The following ZDHHC24 variants were observed in gnomAD, a reference collection of about 807,000 sequenced individuals.
The protein encoded by ZDHHC24 is probable palmitoyltransferase ZDHHC24.
Under a neutral mutation model 23.2 loss-of-function variants are expected in ZDHHC24, and 17 were observed. The observed-to-expected ratio is 0.73, with a 90% CI of 0.50 to 1.10. The LOEUF (loss-of-function observed/expected upper bound fraction) is 1.10. Ranked by LOEUF, ZDHHC24 falls within the 50% of genes least tolerant of loss-of-function variation. The pLI is 0.00. For missense variants in ZDHHC24, 366 were observed against 393.0 expected (o/e 0.93, Z 0.58); for synonymous variants, 186 against 194.5 (o/e 0.96, Z 0.36).
chr11:66,535,932 C>G lies in ZDHHC24; in HGVS notation c.*3597G>C, dbSNP rs1438183865. 6.6e-6 allele frequency: 1 copy of G among 152,158 alleles called. No individual in the cohort carries two copies. Among genetic ancestry groups the G allele is most frequent in the African/African-American group, 2.4e-5 (1 of 41,424 alleles). The allele number at this position is 152,158 out of a possible 1,614,324, so 9.4% of individuals were successfully genotyped here. On this transcript the variant is annotated 3_prime_UTR_variant, in exon 3 of 3. Coordinates refer to ENST00000310442, the MANE Select transcript of ZDHHC24 (RefSeq NM_207340.3). Reference sequence around the variant, plus strand: ...CAATTATTGTATTTTCAATGGATCACTAGGCAGCAGGGAAAAGGAATGCCA... The same window carrying G: ...CAATTATTGTATTTTCAATGGATCAGTAGGCAGCAGGGAAAAGGAATGCCA...
chr11:66,520,948 A>G (rs1856189350), downstream of ZDHHC24: 1 of 384,996 alleles, frequency 2.6e-6, no homozygotes, highest in Non-Finnish European at 5.0e-6. Context: ...TGAACTCCTG[A>G]GCTCAAGCGA....
At chr11:66,542,481 A>T (rs544546421) in intron 2 of ZDHHC24, 4 of 153,460 alleles carry the variant, frequency 2.6e-5, no homozygotes, top group African/African-American at 9.6e-5. Context: ...CTGCAGGCTC[A>T]TGGAGCAGGT....
chr11:66,529,013 C>T, intron 3 of ZDHHC24: 2 of 521,154 alleles, frequency 3.8e-6, no homozygotes, highest in Non-Finnish European at 4.9e-6. Context: ...ACCTTTTCTT[C>T]ATACCAGCCA....
intron 4 of ZDHHC24, among the ~76,000 whole-genome samples, chr11:66,521,997 C>G (rs1455373866): frequency 2.7e-5 from 4 of 149,184 alleles, no homozygotes; most frequent in African/African-American, 9.9e-5. Context: ...GTGGGTGGAT[C>G]ATGAGGTCAG....
At chr11:66,525,217 C>T (rs569328001) in intron 4 of ZDHHC24, among the ~76,000 whole-genome samples, 9 of 145,944 alleles carry the variant, frequency 6.2e-5, no homozygotes, top group East Asian at 6.0e-4. Context: ...AAAAAAAAGC[C>T]GGGTGTGATG....
Position 66,539,997 on chromosome 11 carries a change from C to T in ZDHHC24, c.560-173G>A, listed in dbSNP as rs11227524. ...AGAACGCACTGGTAAACTGGGCAGA[C>T]GCAGCCCCCTACTTGGGATACGGCT... On this transcript the variant is annotated intron_variant, in intron 2 of 2. Coordinates refer to ENST00000310442, the MANE Select transcript of ZDHHC24 (RefSeq NM_207340.3). 4.3e-3 allele frequency among the ~76,000 whole-genome samples: 656 copies of T among 152,324 alleles called. 29 individuals are homozygous for T. In the East Asian group the frequency reaches 0.095, roughly 22 times the overall value.
rs765468448 is a variant in ZDHHC24, at chr11:66,543,962, T to G, written c.301A>C (p.Ser101Arg). 6.2e-7 allele frequency: 1 copy of G among 1,613,512 alleles called. No individual in the cohort carries two copies. Among genetic ancestry groups the G allele is most frequent in the South Asian group, 1.1e-5 (1 of 90,994 alleles). ...QGWAYCYQCQ[S>R]QVPPRSGHCS... ...TGTCCGCTGCGTGGCGGCACCTGGCTTTGGCATTGGTAGCAGTAACTGCAG... is the reference window on the plus strand; with the variant it reads ...TGTCCGCTGCGTGGCGGCACCTGGCGTTGGCATTGGTAGCAGTAACTGCAG... Residue 101 changes from serine to arginine, a missense_variant, in exon 2 of 3, where the codon AGC (serine) becomes CGC (arginine). Transcript: ENST00000310442.
At chr11:66,543,443 CAG>C (rs2134890714) in intron 2 of ZDHHC24, among the ~76,000 whole-genome samples, 1 of 152,318 alleles carries the variant, frequency 6.6e-6, no homozygotes, top group South Asian at 2.1e-4. Flanking sequence ...TCCCGCCATG[CAG>C]AGACTCCCAC....
chr11:66,522,839 C>G, intron 4 of ZDHHC24: 1 of 300,486 alleles, frequency 3.3e-6, no homozygotes, highest in South Asian at 3.0e-5. Flanking sequence ...AAAATACAAG[C>G]TCAATGGGGA....
At chr11:66,529,756 G>C in intron 2 of ZDHHC24, 1 of 1,597,274 alleles carries the variant, frequency 6.3e-7, no homozygotes, top group Non-Finnish European at 8.5e-7. Context: ...GGAGTGCCCC[G>C]TTGCTGCCTC....
At chr11:66,527,139 G>A in intron 3 of ZDHHC24, 1 of 868,484 alleles carries the variant, frequency 1.2e-6, no homozygotes, top group Non-Finnish European at 1.8e-6. Flanking sequence ...CACTTTGGCA[G>A]AGGTGGGAGG....
At chr11:66,529,985 A>G (rs1370772116) in intron 2 of ZDHHC24, 2 of 1,581,594 alleles carry the variant, frequency 1.3e-6, no homozygotes, top group Non-Finnish European at 1.7e-6. Context: ...AGTCAGGGCC[A>G]GAGGGGCAGA....
At chr11:66,521,015 A>G (rs1856192472), downstream of ZDHHC24, 2 of 507,840 alleles carry the variant, frequency 3.9e-6, no homozygotes, top group Non-Finnish European at 3.6e-6. Context: ...CACCACACCC[A>G]GCTGCACGGT....
At chr11:66,529,014 A>G (rs1590777303) in intron 3 of ZDHHC24, 1 of 882,836 alleles carries the variant, frequency 1.1e-6, no homozygotes, top group Non-Finnish European at 1.4e-6. Flanking sequence ...CCTTTTCTTC[A>G]TACCAGCCAC....
At chr11:66,523,403 T>C (rs1274859669) in intron 4 of ZDHHC24, 7 of 1,613,686 alleles carry the variant, frequency 4.3e-6, no homozygotes, top group Admixed American at 1.7e-5. Flanking sequence ...GGGTCAGCCA[T>C]AGAAGTGGAG....
chr11:66,530,964 T>A (rs775698989), downstream of ZDHHC24: 5 of 1,614,110 alleles, frequency 3.1e-6, no homozygotes, highest in Non-Finnish European at 4.2e-6. Flanking sequence ...CGTCCTGTCC[T>A]GGGGCTGCTG....
intron 2 of ZDHHC24, 62 bp from the exon 3 acceptor site, chr11:66,539,886 G>T: frequency 1.4e-6 from 2 of 1,432,178 alleles, no homozygotes; most frequent in Non-Finnish European, 1.9e-6. Context: ...CCTGCCACCT[G>T]CTCCCCTCCA....
At chr11:66,525,681 G>C (rs1182229326) in intron 4 of ZDHHC24, among the ~76,000 whole-genome samples, 20 of 152,228 alleles carry the variant, frequency 1.3e-4, no homozygotes, top group Admixed American at 1.3e-3. Flanking sequence ...CCGGTGGTAT[G>C]CTCGTTGAAA....
At chr11:66,521,500 CA>C in intron 4 of ZDHHC24, 3 of 787,824 alleles carry the variant, frequency 3.8e-6, no homozygotes, top group Non-Finnish European at 4.3e-6. Context: ...CTGAGAACTT[CA>C]TAAAGGAGGC....
Sources: gnomAD v4.1 joint callset for allele counts (sites outside exome capture counted in the v4.1 genomes callset) on GRCh38, gnomAD v4.1.1 for gene constraint, MANE v1.5 for transcripts, NCBI Gene and HGNC (gene_info 2026-07-23, HGNC 2026-07-21) for gene names.